The following CBX5 variants were observed in gnomAD, a reference collection of about 807,000 sequenced individuals.
CBX5 encodes the protein chromobox protein homolog 5.
A neutral mutation model predicts 20.7 loss-of-function variants in CBX5; 7 were observed. The ratio of observed to expected loss-of-function variants is 0.34; its 90% confidence interval spans 0.19 to 0.63. The LOEUF (loss-of-function observed/expected upper bound fraction) is 0.63. Ranked by LOEUF, CBX5 falls within the 30% of genes least tolerant of loss-of-function variation. CBX5 has a pLI of 0.75. For missense variants in CBX5, 110 were observed against 224.1 expected, an observed-to-expected ratio of 0.49 and a Z score of 3.25; for synonymous variants, 78 against 77.0, an observed-to-expected ratio of 1.01 and a Z score of -0.07.
At chr12:54,257,202 G>T (rs937905375) in intron 2 of CBX5, among the ~76,000 whole-genome samples, 1 of 152,124 alleles carries the variant, frequency 6.6e-6, no homozygotes, top group African/African-American at 2.4e-5. Flanking sequence ...GAGATAAAAT[G>T]ATTAAGGAAA....
chr12:54,270,658 G>A (rs1017467795), intron 1 of CBX5, among the ~76,000 whole-genome samples: 4 of 152,144 alleles, frequency 2.6e-5, no homozygotes, highest in African/African-American at 4.8e-5. Context: ...CTTTGTAGGT[G>A]GGTTACTTAG....
chr12:54,235,563 G>C lies in CBX5; in HGVS notation c.*6192C>G, dbSNP rs1054129731. 6.6e-6 allele frequency: 1 copy of C among 151,876 alleles called. No individual in the cohort carries two copies. The highest frequency in any genetic ancestry group is 1.5e-5 in the Non-Finnish European group (1 of 68,020). The allele number at this position is 151,876 out of a possible 1,614,324, so 9.4% of individuals were successfully genotyped here. A position where few individuals can be genotyped will look rare whatever the true frequency, so the allele number is the denominator to read the frequency against. ...CGGGAGGTGGAGCTTGCAGTGAGCC[G>C]AGATTGCGCCACTGCACTCCAGCCT... On this transcript the variant is annotated 3_prime_UTR_variant, in exon 5 of 5. Transcript: ENST00000209875.
chr12:54,253,155 G>A (rs762811781), intron 2 of CBX5, among the ~76,000 whole-genome samples: 4 of 151,996 alleles, frequency 2.6e-5, no homozygotes, highest in Non-Finnish European at 5.9e-5. Flanking sequence ...TTTAATTGGA[G>A]CCAGGCACAG....
In CBX5 at chr12:54,238,489, A is replaced by G. The variant is rs1943645172; in HGVS notation, c.*3266T>C. The G allele has an allele frequency of 1.3e-5, 2 of 152,250 alleles. No individual in the cohort carries two copies. Among genetic ancestry groups the G allele is most frequent in the Non-Finnish European group, 2.9e-5 (2 of 68,046 alleles). The allele number at this position is 152,250 out of a possible 1,614,324, so 9.4% of individuals were successfully genotyped here. A position where few individuals can be genotyped will look rare whatever the true frequency, so the allele number is the denominator to read the frequency against. ...CTATATAGCTTCTTCTCTGGGATCT[A>G]CTGAGGAGTGAAATCTAAATGAAGA... On this transcript the variant is annotated 3_prime_UTR_variant, in exon 5 of 5. Transcript: ENST00000209875.
intron 4 of CBX5, among the ~76,000 whole-genome samples, chr12:54,245,212 T>C (rs1322795019): frequency 6.6e-6 from 1 of 151,952 alleles, no homozygotes; most frequent in Non-Finnish European, 1.5e-5. Flanking sequence ...GAGTTCACCA[T>C]GTTAACCAGG....
chr12:54,279,360 T>C (rs1195128031), intron 1 of CBX5, among the ~76,000 whole-genome samples: 1 of 151,680 alleles, frequency 6.6e-6, no homozygotes, highest in Non-Finnish European at 1.5e-5. Flanking sequence ...GGGGGAAAAA[T>C]GCTCAAGTCG....
chr12:54,250,798 C>T (rs1172564767), intron 3 of CBX5, among the ~76,000 whole-genome samples: 2 of 92,236 alleles, frequency 2.2e-5, no homozygotes, highest in Admixed American at 1.7e-4. Flanking sequence ...TGCGACAGAG[C>T]GAGACTCCGT....
intron 1 of CBX5, among the ~76,000 whole-genome samples, chr12:54,275,178 G>A (rs1944049472): frequency 6.6e-6 from 1 of 152,132 alleles, no homozygotes; most frequent in South Asian, 2.1e-4. Context: ...CTAGTTTTCA[G>A]ACAGAATATA....
Position 54,245,461 on chromosome 12 carries a change from A to C in CBX5, c.425+654T>G, listed in dbSNP as rs572004381. ...TCTGACATTCCAGGAGTTCAAGACC[A>C]GCCTGGCCAACACAGCAAAACCCCG... On this transcript the variant is annotated intron_variant, in intron 4 of 4. Coordinates refer to ENST00000209875, the MANE Select transcript of CBX5 (RefSeq NM_012117.3). Among the ~76,000 whole-genome samples, 16 of 152,298 alleles carry C rather than the reference A, an allele frequency of 1.1e-4. No individual in the cohort carries two copies. In the South Asian group the frequency reaches 3.3e-3, roughly 32 times the overall value.
At chr12:54,257,771 G>C (rs1943876550) in intron 1 of CBX5, 79 bp from the exon 2 acceptor site, 1 of 1,028,446 alleles carries the variant, frequency 9.7e-7, no homozygotes, top group African/African-American at 1.6e-5. Context: ...GGATGAAAAG[G>C]GGATAACACT....
chr12:54,265,738 A>T (rs1285249257), intron 1 of CBX5, among the ~76,000 whole-genome samples: 3 of 152,116 alleles, frequency 2.0e-5, no homozygotes, highest in African/African-American at 7.2e-5. Flanking sequence ...CTAGTTCATG[A>T]TCCTTTAAAA....
In CBX5 at chr12:54,260,409, G is replaced by A. The variant is rs569246686; in HGVS notation, c.-42-2717C>T. ...TCAGGGGGCTGAGGGAGGAGAAATC[G>A]CTTGAACCCAGGAGGCAGAGGTTGC... On this transcript the variant is annotated intron_variant, in intron 1 of 4. Transcript: ENST00000209875. Among the ~76,000 whole-genome samples, 28 of 152,038 alleles carry A rather than the reference G, an allele frequency of 1.8e-4. 1 individual carries two copies. The South Asian group carries it at 5.8e-3, about 32-fold the overall frequency.
chr12:54,265,833 C>T (rs180701638), intron 1 of CBX5, among the ~76,000 whole-genome samples: 53 of 152,076 alleles, frequency 3.5e-4, no homozygotes, highest in African/African-American at 1.2e-3. Context: ...GATCACTTGA[C>T]GTCAGGAGTT....
At position 54,252,216 on chromosome 12, in the gene CBX5, G is replaced by C. The variant is rs2137017449; in HGVS notation, c.149C>G (p.Thr50Ser). ...ATCCAAGTTTTTCTCAGGTTCCCAAGTATTGTGCTCCCTGGGTAAGAAAAA... is the reference window on the plus strand; with the variant it reads ...ATCCAAGTTTTTCTCAGGTTCCCAACTATTGTGCTCCCTGGGTAAGAAAAA... ...KWKGFSEEHN[T>S]WEPEKNLDCP... The change falls in exon 3 of 5, where the codon ACT becomes AGT. Residue 50 changes from threonine (T) to serine (S), a missense_variant. Transcript: ENST00000209875. 1 of 1,461,028 alleles carries C rather than the reference G, an allele frequency of 6.8e-7. No homozygotes were observed. Among genetic ancestry groups the C allele is most frequent in the Non-Finnish European group, 9.2e-7 (1 of 1,082,716 alleles). 90.5% of individuals were successfully genotyped at this position (1,461,028 alleles called of 1,614,324 possible). A position where few individuals can be genotyped will look rare whatever the true frequency, so the allele number is the denominator to read the frequency against.
chr12:54,246,216 C>T lies in CBX5; in HGVS notation c.325-1G>A. Reference sequence around the variant, plus strand: ...AGCCCCGAGCGATATCATTGCTCTGCTATAAATAGAAGATAAAGAAAGGTT... The same window carrying T: ...AGCCCCGAGCGATATCATTGCTCTGTTATAAATAGAAGATAAAGAAAGGTT... On this transcript the variant is annotated splice_acceptor_variant, in intron 3 of 4. Transcript: ENST00000209875. LOFTEE classifies it high-confidence loss of function. The T allele has an allele frequency of 2.5e-6, 4 of 1,602,828 alleles. No individual in the cohort carries two copies. Among genetic ancestry groups the T allele is most frequent in the Non-Finnish European group, 3.4e-6 (4 of 1,169,982 alleles).
Position 54,280,080 on chromosome 12 carries a change from C to G in CBX5, c.-115G>C, listed in dbSNP as rs1310490344. The G allele has an allele frequency of 6.3e-6, 1 of 159,694 alleles. No homozygotes were observed. The highest frequency in any genetic ancestry group is 1.9e-4 in the East Asian group (1 of 5,402). The allele number at this position is 159,694 out of a possible 1,614,324, so 9.9% of individuals were successfully genotyped here. ...ATGGTGAGGCCGCACCACAAGCCAC[C>G]ACCGCCGCCGCCTTCTGCGCAACGC... On this transcript the variant is annotated 5_prime_UTR_variant, in exon 1 of 5. Coordinates refer to ENST00000209875, the MANE Select transcript of CBX5 (RefSeq NM_012117.3).
intron 3 of CBX5, among the ~76,000 whole-genome samples, chr12:54,247,054 T>C (rs543599017): frequency 6.6e-6 from 1 of 152,282 alleles, no homozygotes; most frequent in African/African-American, 2.4e-5. Flanking sequence ...CCTGTGTTTA[T>C]GGAAGAATAG....
chr12:54,262,908 T>G (rs1301679215), intron 1 of CBX5: 1 of 152,234 alleles, frequency 6.6e-6, no homozygotes, highest in Non-Finnish European at 1.5e-5. Flanking sequence ...GAACACAACC[T>G]TATCCTTGTG....
chr12:54,265,811 G>A (rs1452054036), intron 1 of CBX5, among the ~76,000 whole-genome samples: 3 of 152,010 alleles, frequency 2.0e-5, no homozygotes. Context: ...GGGAGGCTGA[G>A]GCAGGCAGAT....
Sources: allele counts gnomAD v4.1 joint callset (sites outside exome capture counted in the v4.1 genomes callset), GRCh38; gene constraint gnomAD v4.1.1; transcripts MANE v1.5; gene names NCBI Gene and HGNC (gene_info 2026-07-23, HGNC 2026-07-21).